Variants in RORA observed in about 807,000 individuals in gnomAD.
RORA encodes nuclear receptor ROR-alpha.
RORA carries 7 observed loss-of-function variants against 69.5 expected under a neutral mutation model. The ratio of observed to expected loss-of-function variants is 0.10; its 90% CI spans 0.06 to 0.19. The LOEUF is 0.19. Ranked by LOEUF, RORA falls within the 10% of genes least tolerant of loss-of-function variation. The pLI is 1.00. For missense variants in RORA, 457 were observed against 663.0 expected (o/e 0.69, Z 3.41); for synonymous variants, 261 against 240.8 (o/e 1.08, Z -0.78).
At chr15:61,144,318 C>A (rs1028967809) in intron 1 of RORA, among the ~76,000 whole-genome samples, 1 of 152,204 alleles carries the variant, frequency 6.6e-6, no homozygotes, top group Non-Finnish European at 1.5e-5. Context: ...TTGTCCCAAA[C>A]TGGTAAAAAA....
intron 1 of RORA, among the ~76,000 whole-genome samples, chr15:60,850,448 G>C (rs2073312143): frequency 6.6e-6 from 1 of 152,142 alleles, no homozygotes; most frequent in Non-Finnish European, 1.5e-5. Context: ...GACTCCACAT[G>C]ACTCCTGGGG....
intron 1 of RORA, among the ~76,000 whole-genome samples, chr15:61,155,948 C>T (rs1313207892): frequency 1.3e-5 from 2 of 152,110 alleles, no homozygotes; most frequent in Admixed American, 6.6e-5. Context: ...TTCTGGAAAA[C>T]GGGATTATAC....
Position 60,640,369 on chromosome 15 carries a change from C to T in RORA, c.196+38288G>A, listed in dbSNP as rs140449202. Among the ~76,000 whole-genome samples, 465 of 152,266 alleles carry T rather than the reference C, an allele frequency of 3.1e-3. 3 individuals carry two copies. The highest frequency in any genetic ancestry group is 0.02 in the East Asian group (104 of 5,188). On this transcript the variant is annotated intron_variant, in intron 2 of 10. Coordinates refer to ENST00000335670, the MANE Select transcript of RORA (RefSeq NM_134261.3). ...TGCCATGTCAGTCCAACGTGTAGGC[C>T]GTTGCGATGCCTTCCTAACTGGTTT...
At chr15:61,201,123 T>A (rs2079891944) in intron 1 of RORA, among the ~76,000 whole-genome samples, 1 of 152,228 alleles carries the variant, frequency 6.6e-6, no homozygotes, top group African/African-American at 2.4e-5. Context: ...AGGCATTTCT[T>A]GGAAGCTCCA....
Position 60,523,242 on chromosome 15 carries a change from G to A in RORA, c.283-8485C>T, listed in dbSNP as rs573891027. Reference sequence around the variant, plus strand: ...ATGAATGAAGTTCCAAAATGTCTTCGTTGTTTCACTCCCTTCTTAGTCATT... The same window carrying A: ...ATGAATGAAGTTCCAAAATGTCTTCATTGTTTCACTCCCTTCTTAGTCATT... On this transcript the variant is annotated intron_variant, in intron 3 of 10. Coordinates refer to ENST00000335670, the MANE Select transcript of RORA (RefSeq NM_134261.3). Among the ~76,000 whole-genome samples the A allele has an allele frequency of 1.7e-4, 26 of 152,190 alleles. No individual in the cohort carries two copies. In the South Asian group the frequency reaches 4.8e-3, roughly 28 times the overall value.
chr15:60,629,187 C>CTTTTTTTTTTTTTTTTTTT lies in RORA; in HGVS notation c.196+49469_196+49470insAAAAAAAAAAAAAAAAAAA, dbSNP rs34687322. On this transcript the variant is annotated intron_variant, in intron 2 of 10. Coordinates refer to ENST00000335670, the MANE Select transcript of RORA (RefSeq NM_134261.3). Reference sequence around the variant, plus strand: ...TGTTTATAAGGATTGACTGTTTATTCTTTTTTTTTTTTTTTTTTGAAACAG... The same window carrying CTTTTTTTTTTTTTTTTTTT: ...TGTTTATAAGGATTGACTGTTTATTCTTTTTTTTTTTTTTTTTTTTTTTTTTTTTTTTTTTTTGAAACAG... 8.0e-5 allele frequency among the ~76,000 whole-genome samples: 9 copies of CTTTTTTTTTTTTTTTTTTT among 112,020 alleles called. 1 individual carries two copies. Among genetic ancestry groups the CTTTTTTTTTTTTTTTTTTT allele is most frequent in the African/African-American group, 3.3e-4 (9 of 26,990 alleles). The allele number at this position is 112,020 out of a possible 152,430, so 73.5% of individuals were successfully genotyped here. A position where few individuals can be genotyped will look rare whatever the true frequency, so the allele number is the denominator to read the frequency against.
intron 1 of RORA, among the ~76,000 whole-genome samples, chr15:60,702,236 C>T (rs186972436): frequency 0.012 from 1,780 of 152,106 alleles, 29 homozygotes; most frequent in African/African-American, 0.033. Context: ...ATGATCTTTT[C>T]TTTTTTTGAG....
chr15:60,924,683 G>C (rs143058835), intron 1 of RORA, among the ~76,000 whole-genome samples: 6 of 152,172 alleles, frequency 3.9e-5, no homozygotes, highest in Non-Finnish European at 5.9e-5. Context: ...AGGGCGGTGC[G>C]TGGAGGCAGC....
At chr15:60,763,618 G>C (rs1000960454) in intron 1 of RORA, among the ~76,000 whole-genome samples, 1 of 152,092 alleles carries the variant, frequency 6.6e-6, no homozygotes, top group Non-Finnish European at 1.5e-5. Context: ...ACACACTTTA[G>C]CATGAACACA....
chr15:61,021,516 C>A (rs149832223), intron 1 of RORA, among the ~76,000 whole-genome samples: 22 of 152,244 alleles, frequency 1.4e-4, no homozygotes, highest in Non-Finnish European at 3.1e-4. Flanking sequence ...TTCTAGCAAT[C>A]GTACAAGTGA....
At chr15:60,846,590 C>A (rs564667933) in intron 1 of RORA, among the ~76,000 whole-genome samples, 1 of 152,320 alleles carries the variant, frequency 6.6e-6, no homozygotes, top group African/African-American at 2.4e-5. Context: ...AAAGCACTCA[C>A]AGAAGGCACC....
chr15:60,584,042 C>A (rs1199535019), intron 2 of RORA, among the ~76,000 whole-genome samples: 1 of 152,166 alleles, frequency 6.6e-6, no homozygotes, highest in African/African-American at 2.4e-5. Context: ...CTGTGAAGAT[C>A]AATGACATTT....
chr15:60,994,505 G>A (rs937751032), intron 1 of RORA, among the ~76,000 whole-genome samples: 2 of 152,144 alleles, frequency 1.3e-5, no homozygotes, highest in African/African-American at 2.4e-5. Flanking sequence ...AGGAAAAAGG[G>A]GTCTAGGCCC....
chr15:60,818,727 ATTTCTATCTTTCAT>A (rs2072849829), intron 1 of RORA, among the ~76,000 whole-genome samples: 1 of 152,162 alleles, frequency 6.6e-6, no homozygotes, highest in African/African-American at 2.4e-5. Flanking sequence ...AAAAACAAGG[ATTTCTATCTTTCAT>A]CAGTAGGACA....
At chr15:60,776,822 G>A (rs1336556976) in intron 1 of RORA, among the ~76,000 whole-genome samples, 2 of 152,166 alleles carry the variant, frequency 1.3e-5, no homozygotes, top group East Asian at 3.8e-4. Flanking sequence ...TTACCATTCT[G>A]TTTAAACCTG....
intron 1 of RORA, among the ~76,000 whole-genome samples, chr15:60,711,991 T>C (rs968326434): frequency 7.1e-6 from 1 of 140,286 alleles, no homozygotes; most frequent in African/African-American, 2.5e-5. Context: ...AACTATTTTG[T>C]GATACGTAGT....
At chr15:61,083,419 G>T (rs1277323590) in intron 1 of RORA, among the ~76,000 whole-genome samples, 1 of 152,146 alleles carries the variant, frequency 6.6e-6, no homozygotes, top group Non-Finnish European at 1.5e-5. Flanking sequence ...TTCATACAAA[G>T]CCATCTATAC....
chr15:61,104,859 A>G (rs1016170976), intron 1 of RORA, among the ~76,000 whole-genome samples: 1 of 152,170 alleles, frequency 6.6e-6, no homozygotes, highest in Non-Finnish European at 1.5e-5. Context: ...GAGGTAATTG[A>G]ATCATGGAGG....
At chr15:60,579,736 G>A (rs2068136968) in intron 2 of RORA, among the ~76,000 whole-genome samples, 2 of 152,112 alleles carry the variant, frequency 1.3e-5, no homozygotes. Context: ...GAAATAATTG[G>A]TTGTCCTAAT....
Sources: allele counts gnomAD v4.1 joint callset (sites outside exome capture counted in the v4.1 genomes callset), GRCh38; gene constraint gnomAD v4.1.1; transcripts MANE v1.5; gene names NCBI Gene and HGNC (gene_info 2026-07-23, HGNC 2026-07-21).